Variants in GCNT1 observed in about 807,000 individuals in gnomAD.
GCNT1 encodes glucosaminyl (N-acetyl) transferase 1.
Under a neutral mutation model 26.2 loss-of-function variants are expected in GCNT1, and 16 were observed. The ratio of observed to expected loss-of-function variants is 0.61; its 90% CI spans 0.41 to 0.93. The LOEUF (loss-of-function observed/expected upper bound fraction) is 0.93. Ranked by LOEUF, GCNT1 falls within the 40% of genes least tolerant of loss-of-function variation. The probability of loss-of-function intolerance (pLI) is 0.00; values close to 1 mark genes in which losing one functional copy is unlikely to be tolerated. For synonymous variants in GCNT1, 183 were observed against 190.8 expected (o/e 0.96, Z 0.34); for missense variants, 477 against 526.7 (o/e 0.91, Z 0.92).
At chr9:76,457,523 A>T (rs1285439098), upstream of GCNT1, among the ~76,000 whole-genome samples, 2 of 152,240 alleles carry the variant, frequency 1.3e-5, no homozygotes, top group Non-Finnish European at 2.9e-5. Flanking sequence ...TGCTGGAATT[A>T]CAGGCATGAG....
chr9:76,428,158 C>T (rs1476901004), intron 1 of GCNT1, among the ~76,000 whole-genome samples: 3 of 149,084 alleles, frequency 2.0e-5, no homozygotes, highest in Non-Finnish European at 4.4e-5. Context: ...CCCAGCTACT[C>T]AGGAGGCTGA....
intron 1 of GCNT1, among the ~76,000 whole-genome samples, chr9:76,428,207 A>G (rs1323809470): frequency 7.1e-6 from 1 of 141,240 alleles, no homozygotes; most frequent in African/African-American, 2.6e-5. Flanking sequence ...TGGAGCTTGC[A>G]GTGAGCCGAG....
intron 2 of GCNT1, among the ~76,000 whole-genome samples, chr9:76,476,032 G>T (rs1163345184): frequency 6.6e-6 from 1 of 152,204 alleles, no homozygotes; most frequent in Admixed American, 6.5e-5. Context: ...TTTTGAACAT[G>T]TAGAGGAAAT....
chr9:76,432,563 C>A (rs902945775), intron 1 of GCNT1, among the ~76,000 whole-genome samples: 1 of 152,144 alleles, frequency 6.6e-6, no homozygotes, highest in Non-Finnish European at 1.5e-5. Flanking sequence ...TGGTTGAGAA[C>A]TCCTGAGCCT....
At chr9:76,498,900 A>G (rs1338447713) in intron 2 of GCNT1, among the ~76,000 whole-genome samples, 1 of 152,194 alleles carries the variant, frequency 6.6e-6, no homozygotes, top group African/African-American at 2.4e-5. Context: ...AAAGAAAATT[A>G]CATTCATACT....
At chr9:76,399,398 C>T in the GCNT1 span, 11 of 1,467,618 alleles carry the variant, frequency 7.5e-6, no homozygotes, top group African/African-American at 1.5e-4. Context: ...ATGGACTGCT[C>T]CAGCTCCTGA....
At chr9:76,500,477 A>G (rs2131642214) in intron 2 of GCNT1, among the ~76,000 whole-genome samples, 1 of 152,298 alleles carries the variant, frequency 6.6e-6, no homozygotes, top group South Asian at 2.1e-4. Flanking sequence ...GCTTTCTGAT[A>G]GAGGTGTGGA....
chr9:76,442,683 A>AAAAG (rs1206501689), intron 1 of GCNT1, among the ~76,000 whole-genome samples: 1 of 152,186 alleles, frequency 6.6e-6, no homozygotes, highest in African/African-American at 2.4e-5. Flanking sequence ...TCCATCTCAA[A>AAAAG]AAAGAAAGAA....
chr9:76,441,073 A>C (rs984043213), upstream of GCNT1, among the ~76,000 whole-genome samples: 7 of 145,340 alleles, frequency 4.8e-5, no homozygotes, highest in East Asian at 9.9e-4. Context: ...TCAAAAAAAA[A>C]CAAAAAAACC....
rs1420628540 is a variant in GCNT1 at position 76,504,096 on chromosome 9, TAATC to T, written c.*431_*434del. ...GTATGAATAAACTTACAGCAACAAA[TAATC>T]AAAGATACAATTAATCTGATATTAT... is the stretch of plus-strand genomic sequence containing the variant. On this transcript the variant is annotated 3_prime_UTR_variant, in exon 4 of 4. Transcript: ENST00000376730. 1.5e-5 allele frequency: 3 copies of T among 205,942 alleles called. No homozygotes were observed. In the South Asian group the frequency reaches 3.3e-4, roughly 23 times the overall value. The allele number at this position is 205,942 out of a possible 1,614,324, so 12.8% of individuals were successfully genotyped here. A position where few individuals can be genotyped will look rare whatever the true frequency, so the allele number is the denominator to read the frequency against.
intron 1 of GCNT1, among the ~76,000 whole-genome samples, chr9:76,446,858 T>C (rs1210946384): frequency 6.6e-6 from 1 of 152,090 alleles, no homozygotes; most frequent in African/African-American, 2.4e-5. Context: ...AGGTACATAC[T>C]AAAGAGGCAG....
chr9:76,443,894 A>AAAGAAAGGAAGAAAGG (rs1195027651), intron 1 of GCNT1, among the ~76,000 whole-genome samples: 15 of 127,408 alleles, frequency 1.2e-4, no homozygotes, highest in African/African-American at 4.5e-4. Flanking sequence ...AGAAAGAAAG[A>AAAGAAAGGAAGAAAGG]AAGAAAGGAA....
chr9:76,443,944 AGG>A (rs1472326456), intron 1 of GCNT1, among the ~76,000 whole-genome samples: 1 of 75,312 alleles, frequency 1.3e-5, no homozygotes, highest in East Asian at 2.3e-4. Flanking sequence ...GAAGGAAGGA[AGG>A]AAGGAAGGAA....
At chr9:76,480,623 A>G (rs1006135418) in intron 2 of GCNT1, among the ~76,000 whole-genome samples, 3 of 152,194 alleles carry the variant, frequency 2.0e-5, no homozygotes, top group Admixed American at 1.3e-4. Flanking sequence ...TGCCTTTGGG[A>G]GAGAGAGCAT....
chr9:76,443,930 AAAGGAAGGAAGGAAGGAAGGAAGG>A lies in GCNT1; in HGVS notation c.-290+1655_-290+1678del, dbSNP rs201262371. ...GAAAGGAAGAAAGGAAGAAAGGAAG[AAAGGAAGGAAGGAAGGAAGGAAGG>A]AAGGAAGGAAGGAAGGAAGGAAGGA... On this transcript the variant is annotated intron_variant, in intron 1 of 2. Coordinates refer to the GCNT1 transcript ENST00000442371. Among the ~76,000 whole-genome samples the A allele has an allele frequency of 3.2e-3, 246 of 78,012 alleles. 1 individual carries two copies. Among genetic ancestry groups the A allele is most frequent in the East Asian group, 5.0e-3 (18 of 3,592 alleles). 51.2% of individuals were successfully genotyped at this position (78,012 alleles called of 152,430 possible).
intron 2 of GCNT1, among the ~76,000 whole-genome samples, chr9:76,477,046 C>A (rs1043373953): frequency 2.8e-4 from 43 of 151,996 alleles, no homozygotes; most frequent in African/African-American, 9.7e-4. Context: ...TCCCGAGTAG[C>A]TGAGATTGCA....
intron 2 of GCNT1, among the ~76,000 whole-genome samples, chr9:76,497,985 T>G (rs1179229856): frequency 6.6e-6 from 1 of 152,214 alleles, no homozygotes; most frequent in Non-Finnish European, 1.5e-5. Context: ...CCAGCATTCA[T>G]TGCCATTCCC....
chr9:76,472,342 A>G (rs1254426478), intron 2 of GCNT1, among the ~76,000 whole-genome samples: 4 of 152,206 alleles, frequency 2.6e-5, no homozygotes, highest in African/African-American at 7.2e-5. Context: ...GAAATGTCAG[A>G]TGTCTCTTTT....
At chr9:76,470,346 G>A (rs1195345347) in intron 2 of GCNT1, among the ~76,000 whole-genome samples, 3 of 152,148 alleles carry the variant, frequency 2.0e-5, no homozygotes, top group Admixed American at 1.3e-4. Context: ...CCTCATGCCT[G>A]TAATTTCAGC....
Sources: allele counts gnomAD v4.1 joint callset (sites outside exome capture counted in the v4.1 genomes callset), GRCh38; gene constraint gnomAD v4.1.1; transcripts MANE v1.5; gene names NCBI Gene and HGNC (gene_info 2026-07-23, HGNC 2026-07-21).